Variants in OTUD7B observed in about 807,000 individuals in gnomAD.
OTUD7B encodes the protein OTU deubiquitinase 7B, also known as OTU domain-containing protein 7B.
OTUD7B carries 34 observed loss-of-function variants against 82.2 expected under a neutral mutation model. The observed-to-expected ratio is 0.41, with a 90% CI of 0.31 to 0.55. The LOEUF is 0.55. Among genes scored for constraint, OTUD7B ranks in the 20% least tolerant of loss-of-function variants. The pLI is 0.20. For synonymous variants in OTUD7B, 398 were observed against 402.7 expected (o/e 0.99, Z 0.14); for missense variants, 944 against 1,062.1 (o/e 0.89, Z 1.55).
intron 6 of OTUD7B, 126 bp downstream of exon 6, chr1:149,964,096 T>C: frequency 9.1e-7 from 1 of 1,096,292 alleles, no homozygotes; most frequent in African/African-American, 1.6e-5. Flanking sequence ...TTCTCCAATT[T>C]TCAGGATCAT....
intron 1 of OTUD7B, among the ~76,000 whole-genome samples, chr1:150,003,883 C>A (rs1652474903): frequency 2.0e-5 from 3 of 152,198 alleles, no homozygotes; most frequent in Non-Finnish European, 4.4e-5. Context: ...CTCCAGCTCA[C>A]ACCCAGGACA....
At chr1:149,996,041 C>T (rs1553783296) in intron 1 of OTUD7B, among the ~76,000 whole-genome samples, 1 of 152,176 alleles carries the variant, frequency 6.6e-6, no homozygotes, top group African/African-American at 2.4e-5. Context: ...TCAGAGAGAA[C>T]TGAGGGAAAA....
the OTUD7B span, among the ~76,000 whole-genome samples, chr1:150,035,003 G>T: frequency 6.6e-5 from 10 of 151,950 alleles, no homozygotes; most frequent in Admixed American, 1.3e-4. Context: ...AATTAGCCAG[G>T]CATGGTGGTG....
the OTUD7B span, among the ~76,000 whole-genome samples, chr1:150,052,856 CAG>C: frequency 1.4e-4 from 21 of 145,414 alleles, no homozygotes; most frequent in African/African-American, 5.1e-4. Context: ...ACCAATGAAA[CAG>C]AATGCAGAGT....
chr1:149,988,081 T>C (rs1553781240), intron 1 of OTUD7B, among the ~76,000 whole-genome samples: 1 of 152,206 alleles, frequency 6.6e-6, no homozygotes, highest in Non-Finnish European at 1.5e-5. Flanking sequence ...TTTTTGATTA[T>C]TGGAAGGAAA....
At chr1:149,969,590 C>T (rs998211295) in intron 3 of OTUD7B, among the ~76,000 whole-genome samples, 19 of 152,242 alleles carry the variant, frequency 1.2e-4, no homozygotes, top group African/African-American at 3.6e-4. Flanking sequence ...CTGGCTAATA[C>T]GGTGAAACCC....
At chr1:149,994,606 A>AAAAAAAAAC in intron 1 of OTUD7B, among the ~76,000 whole-genome samples, 1 of 96,720 alleles carries the variant, frequency 1.0e-5, no homozygotes, top group Non-Finnish European at 1.9e-5. Flanking sequence ...AAAAAAAAAA[A>AAAAAAAAAC]CCCAATTTTT....
chr1:150,011,251 A>G (rs1653030685), upstream of OTUD7B, among the ~76,000 whole-genome samples: 1 of 152,210 alleles, frequency 6.6e-6, no homozygotes, highest in Non-Finnish European at 1.5e-5. Context: ...CATAACAGTG[A>G]TACCCTGTTG....
intron 2 of OTUD7B, among the ~76,000 whole-genome samples, chr1:149,974,833 A>C (rs1166594478): frequency 6.7e-6 from 1 of 149,672 alleles, no homozygotes; most frequent in South Asian, 2.1e-4. Flanking sequence ...TACAGGCATA[A>C]GCCACTGCAC....
chr1:149,958,985 G>A (rs376427747), intron 7 of OTUD7B, among the ~76,000 whole-genome samples: 20 of 151,930 alleles, frequency 1.3e-4, no homozygotes, highest in African/African-American at 4.4e-4. Context: ...ACTTTGGGAG[G>A]CCAAGGTGGG....
the OTUD7B span, among the ~76,000 whole-genome samples, chr1:150,017,470 A>G: frequency 6.6e-5 from 10 of 152,236 alleles, no homozygotes; most frequent in African/African-American, 2.4e-4. Context: ...CCAGTTCCTT[A>G]GGCTATGAGG....
At chr1:149,951,351 G>A (rs375848944) in intron 7 of OTUD7B, among the ~76,000 whole-genome samples, 27 of 152,138 alleles carry the variant, frequency 1.8e-4, no homozygotes, top group East Asian at 1.2e-3. Flanking sequence ...TGATCCGCCC[G>A]TCTCAGCCTC....
At chr1:150,064,300 T>C in the OTUD7B span, among the ~76,000 whole-genome samples, 2 of 152,204 alleles carry the variant, frequency 1.3e-5, no homozygotes, top group Admixed American at 1.3e-4. Flanking sequence ...ACTGCACAAA[T>C]ACTAGTTGTA....
At chr1:150,016,934 G>A in the OTUD7B span, among the ~76,000 whole-genome samples, 4 of 152,218 alleles carry the variant, frequency 2.6e-5, no homozygotes, top group African/African-American at 9.6e-5. Flanking sequence ...CTGTCTCTAA[G>A]TTTTCTCTCT....
intron 1 of OTUD7B, among the ~76,000 whole-genome samples, chr1:149,995,965 A>G (rs751931): frequency 0.023 from 3,454 of 152,320 alleles, 57 homozygotes; most frequent in Non-Finnish European, 0.034. Context: ...TGAATACAGA[A>G]AGCTTTTTCT....
chr1:150,003,746 T>C (rs1553785505), intron 1 of OTUD7B, among the ~76,000 whole-genome samples: 1 of 152,096 alleles, frequency 6.6e-6, no homozygotes, highest in Non-Finnish European at 1.5e-5. Context: ...TCAGTACCAT[T>C]TTCTTTGCCC....
rs587686608 is a variant in OTUD7B at position 149,992,156 on chromosome 1, C to T, written c.-66-14580G>A. Reference sequence around the variant, plus strand: ...AGGAGAACCACTTGAACCCGGGAGGCGGAGGTTGCACTGAGCTGACATGGC... The same window carrying T: ...AGGAGAACCACTTGAACCCGGGAGGTGGAGGTTGCACTGAGCTGACATGGC... On this transcript the variant is annotated intron_variant, in intron 1 of 11. Coordinates refer to ENST00000581312, the MANE Select transcript of OTUD7B (RefSeq NM_020205.4). Among the ~76,000 whole-genome samples, 14 of 152,152 alleles carry T rather than the reference C, an allele frequency of 9.2e-5. No homozygotes were observed. The South Asian group carries it at 1.0e-3, about 11-fold the overall frequency.
At chr1:149,985,743 T>C (rs115591419) in intron 1 of OTUD7B, among the ~76,000 whole-genome samples, 1 of 10,924 alleles carries the variant, frequency 9.2e-5, no homozygotes, top group African/African-American at 2.0e-4. Context: ...TGAGACCCTG[T>C]ATGAAAAAAA....
At chr1:149,965,488 C>T (rs587663592) in intron 5 of OTUD7B, among the ~76,000 whole-genome samples, 1 of 152,302 alleles carries the variant, frequency 6.6e-6, no homozygotes, top group South Asian at 2.1e-4. Context: ...ACACATCTAG[C>T]TATACACTGC....
Sources: gnomAD v4.1 joint callset for allele counts (sites outside exome capture counted in the v4.1 genomes callset) on GRCh38, gnomAD v4.1.1 for gene constraint, MANE v1.5 for transcripts, NCBI Gene and HGNC (gene_info 2026-07-23, HGNC 2026-07-21) for gene names.